CHD8: variants seen among roughly 807,000 people sequenced by gnomAD.
The protein encoded by CHD8 is ATP-dependent chromatin remodeler CHD8.
A neutral mutation model predicts 279.2 loss-of-function variants in CHD8; 31 were observed. The observed-to-expected ratio is 0.11, with a 90% CI of 0.08 to 0.15. The LOEUF (loss-of-function observed/expected upper bound fraction) is 0.15, where lower values mean the gene tolerates loss of function less well. Among genes scored for constraint, CHD8 ranks in the 10% least tolerant of loss-of-function variants. The probability of loss-of-function intolerance (pLI) is 1.00; values close to 1 mark genes in which losing one functional copy is unlikely to be tolerated. For missense variants in CHD8, 2,146 were observed against 3,230.5 expected, an observed-to-expected ratio of 0.66 and a Z score of 8.14; for synonymous variants, 1,081 against 1,139.6, an observed-to-expected ratio of 0.95 and a Z score of 1.04.
intron 5 of CHD8, among the ~76,000 whole-genome samples, chr14:21,421,907 C>T (rs1889061122): frequency 6.6e-6 from 1 of 152,112 alleles, no homozygotes; most frequent in African/African-American, 2.4e-5. Flanking sequence ...AAAAAGACAC[C>T]AGGGATGTGT....
chr14:21,414,908 G>A, intron 8 of CHD8, 30 bp downstream of exon 8: 1 of 1,573,188 alleles, frequency 6.4e-7, no homozygotes. Context: ...TGGAATTTGG[G>A]GTGACAAGCT....
chr14:21,445,786 G>T (rs1180806437), intron 1 of CHD8, among the ~76,000 whole-genome samples: 1 of 150,956 alleles, frequency 6.6e-6, no homozygotes, highest in African/African-American at 2.4e-5. Context: ...TGGATCACGA[G>T]GTCAGGAGTT....
At chr14:21,436,925 C>A (rs945390132) in intron 1 of CHD8, 9 of 1,287,440 alleles carry the variant, frequency 7.0e-6, no homozygotes, top group Non-Finnish European at 9.1e-6. Flanking sequence ...GGGGTTGGTG[C>A]CAGTAAGGTC....
intron 10 of CHD8, among the ~76,000 whole-genome samples, chr14:21,410,631 T>A (rs1888449376): frequency 6.6e-6 from 1 of 152,360 alleles, no homozygotes; most frequent in Non-Finnish European, 1.5e-5. Context: ...CAGTGACCAA[T>A]GGTAAATGGC....
intron 37 of CHD8, among the ~76,000 whole-genome samples, chr14:21,387,245 G>A (rs1461108655): frequency 1.3e-5 from 2 of 152,128 alleles, no homozygotes; most frequent in Non-Finnish European, 2.9e-5. Context: ...CAGCACTTTG[G>A]GAGGCTGAGG....
intron 1 of CHD8, chr14:21,437,343 G>T: frequency 1.1e-6 from 1 of 907,290 alleles, no homozygotes; most frequent in Non-Finnish European, 1.4e-6. Flanking sequence ...GCGAAAAGAC[G>T]CAAAACAGCG....
At chr14:21,411,999 G>A (rs1888514456) in intron 10 of CHD8, among the ~76,000 whole-genome samples, 1 of 151,826 alleles carries the variant, frequency 6.6e-6, no homozygotes, top group Non-Finnish European at 1.5e-5. Context: ...GGGAGGCGGA[G>A]GTTGCAATGA....
chr14:21,415,542 TAAAA>T (rs1555316448), intron 7 of CHD8, 28 bp downstream of exon 7: 6 of 1,078,824 alleles, frequency 5.6e-6, no homozygotes, highest in Admixed American at 6.8e-5. Context: ...AATAAATAAA[TAAAA>T]ATAATAATAA....
intron 10 of CHD8, among the ~76,000 whole-genome samples, chr14:21,410,289 C>A (rs1425075805): frequency 1.3e-5 from 2 of 152,144 alleles, no homozygotes; most frequent in Admixed American, 1.3e-4. Flanking sequence ...AAAGACTAAT[C>A]TTTTCCTATA....
At chr14:21,392,007 T>G (rs1218031600) in intron 34 of CHD8, 61 bp from the exon 35 acceptor site, 1 of 1,279,136 alleles carries the variant, frequency 7.8e-7, no homozygotes, top group Non-Finnish European at 1.1e-6. Flanking sequence ...AAGTAAAGAT[T>G]AAGCTTTGAG....
At chr14:21,395,144 T>TAGGA in intron 29 of CHD8, 25 bp from the exon 30 acceptor site, 1 of 1,604,098 alleles carries the variant, frequency 6.2e-7, no homozygotes, top group Non-Finnish European at 8.5e-7. Context: ...GTAGAATGAA[T>TAGGA]AGGAAGTATA....
intron 14 of CHD8, among the ~76,000 whole-genome samples, 184 bp downstream of exon 14, chr14:21,406,672 A>C (rs1888267232): frequency 6.6e-6 from 1 of 152,162 alleles, no homozygotes; most frequent in South Asian, 2.1e-4. Context: ...TTATCACTAA[A>C]CTTCCCAATT....
intron 5 of CHD8, among the ~76,000 whole-genome samples, chr14:21,424,194 T>C (rs764368823): frequency 1.3e-5 from 2 of 152,234 alleles, no homozygotes; most frequent in African/African-American, 2.4e-5. Flanking sequence ...TTGGGATTTA[T>C]TTTTAAGATG....
chr14:21,406,927 T>C lies in CHD8; in HGVS notation c.2836A>G (p.Ile946Val). 1.9e-6 allele frequency: 3 copies of C among 1,613,366 alleles called. No homozygotes were observed. Among genetic ancestry groups the C allele is most frequent in the Non-Finnish European group, 2.5e-6 (3 of 1,179,660 alleles). Residue 946 changes from isoleucine to valine, a missense_variant, in exon 14 of 38, where the codon ATC becomes GTC. By Grantham distance (29) the Ile-to-Val change is conservative. This residue lies in a region of CHD8 where 211 missense variants were observed against 464.7 expected (regional missense o/e 0.45). Coordinates refer to ENST00000646647, the MANE Select transcript of CHD8 (RefSeq NM_001170629.2). ...ELREIEWRCVIIDEAHRLKNR... is the reference protein window; with the variant it reads ...ELREIEWRCVVIDEAHRLKNR... ...TTCAGTCGATGGGCTTCATCAATGA[T>C]AACACAACGCCATTCAATTTCACGA...
At chr14:21,450,289 C>G (rs137891371) in intron 1 of CHD8, among the ~76,000 whole-genome samples, 1 of 152,150 alleles carries the variant, frequency 6.6e-6, no homozygotes, top group Non-Finnish European at 1.5e-5. Flanking sequence ...CTATAGAAAT[C>G]ACTGGTTTCT....
In CHD8 at chr14:21,401,519, GA is replaced by G; in HGVS notation, c.4063-7del. 1 of 1,519,506 alleles carries G rather than the reference GA, an allele frequency of 6.6e-7. No homozygotes were observed. Among genetic ancestry groups the G allele is most frequent in the Non-Finnish European group, 8.8e-7 (1 of 1,130,904 alleles). 94.1% of individuals were successfully genotyped at this position (1,519,506 alleles called of 1,614,324 possible). ...TCAGAAGCAACAAAGCTTGCCTAGA[GA>G]AAAACAAATGCAGAGGTAAAGCTGA... On this transcript the variant is annotated splice_region_variant and splice_polypyrimidine_tract_variant and intron_variant, in intron 20 of 37. Coordinates refer to ENST00000646647, the MANE Select transcript of CHD8 (RefSeq NM_001170629.2).
Position 21,408,864 on chromosome 14 carries a change from T to C in CHD8, c.2365-39A>G, listed in dbSNP as rs1422092795. The stretch of plus-strand genomic sequence containing the variant: ...CGTTTGAATAAATGGAGTGGAGACA[T>C]TATCAAAAGGTAAGACTTACTAGGT... On this transcript the variant is annotated intron_variant, in intron 11 of 37. Coordinates refer to ENST00000646647, the MANE Select transcript of CHD8 (RefSeq NM_001170629.2). The surrounding 1 kb of genome is among the most constrained non-coding windows in gnomAD (Gnocchi z 4.3). 1 of 1,583,456 alleles carries C rather than the reference T, an allele frequency of 6.3e-7. No individual in the cohort carries two copies.
chr14:21,430,784 C>T lies in CHD8; in HGVS notation c.843+17G>A. 6.5e-7 allele frequency: 1 copy of T among 1,549,892 alleles called. No individual in the cohort carries two copies. The highest frequency in any genetic ancestry group is 8.7e-7 in the Non-Finnish European group (1 of 1,147,226). On this transcript the variant is annotated intron_variant, in intron 2 of 37. Transcript: ENST00000646647. ...TCTATGAAACCAAAATTCACCTCCC[C>T]CTTTCACTCAAGTCACCTGGGTAGG...
At position 21,395,247 on chromosome 14, in the gene CHD8, C is replaced by G. The variant is rs1315907731; in HGVS notation, c.5182+51G>C. 3 of 1,540,930 alleles carry G rather than the reference C, an allele frequency of 1.9e-6. No individual in the cohort carries two copies. In the African/African-American group the frequency reaches 4.1e-5, roughly 21 times the overall value. ...ATAGGACAGAATTCAGTGAATAATT[C>G]CCCAACCCACCACCCCACACAGAAT... On this transcript the variant is annotated intron_variant, in intron 29 of 37. Coordinates refer to ENST00000646647, the MANE Select transcript of CHD8 (RefSeq NM_001170629.2).
Sources: gnomAD v4.1 joint callset for allele counts (sites outside exome capture counted in the v4.1 genomes callset) on GRCh38, gnomAD v4.1.1 for gene constraint, gnomAD v4.1.1 regional missense constraint, Gnocchi (gnomAD v3.1) non-coding constraint, MANE v1.5 for transcripts, NCBI Gene and HGNC (gene_info 2026-07-23, HGNC 2026-07-21) for gene names.